LRMDA: variants seen among roughly 807,000 people sequenced by gnomAD.
LRMDA encodes leucine-rich melanocyte differentiation-associated protein.
A neutral mutation model predicts 29.8 loss-of-function variants in LRMDA; 18 were observed. The observed-to-expected ratio is 0.60, with a 90% CI of 0.42 to 0.90. The LOEUF is 0.90. LRMDA is among the 40% of genes least tolerant of loss of function. The pLI, the probability that LRMDA is intolerant of heterozygous loss-of-function variation, is 0.00. For missense variants in LRMDA, 273 were observed against 273.9 expected, an observed-to-expected ratio of 1.00 and a Z score of 0.02; for synonymous variants, 125 against 109.4, an observed-to-expected ratio of 1.14 and a Z score of -0.89.
intron 2 of LRMDA, among the ~76,000 whole-genome samples, chr10:75,606,447 T>G (rs574737715): frequency 6.6e-6 from 1 of 152,224 alleles, no homozygotes; most frequent in African/African-American, 2.4e-5. Context: ...AGAACCGAGG[T>G]TCTATTTTCT....
intron 6 of LRMDA, among the ~76,000 whole-genome samples, chr10:76,546,370 G>C (rs1306221066): frequency 1.3e-5 from 2 of 152,082 alleles, no homozygotes; most frequent in Non-Finnish European, 2.9e-5. Flanking sequence ...ACTCAGTTGT[G>C]GTCACTATGA....
At chr10:75,969,310 G>A (rs550032889) in intron 2 of LRMDA, among the ~76,000 whole-genome samples, 4 of 152,248 alleles carry the variant, frequency 2.6e-5, no homozygotes, top group Admixed American at 6.5e-5. Flanking sequence ...TTATGTTGTC[G>A]GTCCAGTAAT....
Position 76,139,596 on chromosome 10 carries a change from GT to G in LRMDA, c.516+80816del, listed in dbSNP as rs1850162214. Among the ~76,000 whole-genome samples, 3 of 152,226 alleles carry G rather than the reference GT, an allele frequency of 2.0e-5. No individual in the cohort carries two copies. The South Asian group carries it at 6.2e-4, about 32-fold the overall frequency. Reference sequence around the variant, plus strand: ...TTTTGATATATGTGAAGCTCTTGTGGTTTGTCTAGTTCTTATAAAAATACTG... The same window carrying G: ...TTTTGATATATGTGAAGCTCTTGTGGTTGTCTAGTTCTTATAAAAATACTG... On this transcript the variant is annotated intron_variant, in intron 5 of 6. Coordinates refer to ENST00000611255, the MANE Select transcript of LRMDA (RefSeq NM_001305581.2).
chr10:75,453,433 A>G (rs1251041229), intron 2 of LRMDA, among the ~76,000 whole-genome samples: 1 of 152,154 alleles, frequency 6.6e-6, no homozygotes, highest in Admixed American at 6.5e-5. Flanking sequence ...AATTGAAGCT[A>G]GCTTTAGTTT....
chr10:76,547,418 C>T (rs1015093694), intron 6 of LRMDA, among the ~76,000 whole-genome samples: 4 of 152,184 alleles, frequency 2.6e-5, no homozygotes, highest in Non-Finnish European at 5.9e-5. Context: ...ACATGACATA[C>T]TGATCATTAA....
At chr10:75,797,938 T>C (rs934250512) in intron 2 of LRMDA, among the ~76,000 whole-genome samples, 3 of 152,206 alleles carry the variant, frequency 2.0e-5, no homozygotes, top group African/African-American at 7.2e-5. Context: ...ATGCCATCAG[T>C]ATATGAAGAT....
chr10:75,432,112 CT>C (rs1564769729), intron 1 of LRMDA, among the ~76,000 whole-genome samples: 1 of 152,258 alleles, frequency 6.6e-6, no homozygotes, highest in Admixed American at 6.5e-5. Context: ...ATTTTAAAAA[CT>C]TTTGGTCAAA....
chr10:75,889,071 T>C (rs1246802600), intron 2 of LRMDA, among the ~76,000 whole-genome samples: 1 of 152,156 alleles, frequency 6.6e-6, no homozygotes, highest in Non-Finnish European at 1.5e-5. Context: ...GAGTGAGCTA[T>C]ATGTGTGTGT....
intron 6 of LRMDA, among the ~76,000 whole-genome samples, chr10:76,419,157 G>A (rs1564536156): frequency 6.6e-6 from 1 of 151,992 alleles, no homozygotes; most frequent in African/African-American, 2.4e-5. Context: ...GGTTTTCATA[G>A]ATATGAAATT....
chr10:76,024,093 T>C (rs1396042497), intron 2 of LRMDA, among the ~76,000 whole-genome samples: 1 of 152,170 alleles, frequency 6.6e-6, no homozygotes, highest in Non-Finnish European at 1.5e-5. Flanking sequence ...AATGGAGTGG[T>C]CTTATGCTGT....
chr10:75,757,765 G>A (rs1843050045), intron 2 of LRMDA, among the ~76,000 whole-genome samples: 1 of 151,000 alleles, frequency 6.6e-6, no homozygotes, highest in African/African-American at 2.4e-5. Flanking sequence ...GCATTGTAAA[G>A]TTTGTAGGGC....
intron 2 of LRMDA, among the ~76,000 whole-genome samples, chr10:75,523,244 G>A (rs1845381120): frequency 6.6e-6 from 1 of 152,152 alleles, no homozygotes; most frequent in Non-Finnish European, 1.5e-5. Context: ...GTGAGAATGG[G>A]TGCATGAGCA....
chr10:76,022,323 G>A lies in LRMDA; in HGVS notation c.132-13685G>A, dbSNP rs372449640. Among the ~76,000 whole-genome samples, 12 of 152,238 alleles carry A rather than the reference G, an allele frequency of 7.9e-5. No homozygotes were observed. The South Asian group carries it at 1.7e-3, about 21-fold the overall frequency. ...TGCTCTAACCCCACATTTTGCATAC[G>A]GAAGAAACAAAGGTCCACCAGTGAT... is the stretch of plus-strand genomic sequence containing the variant. On this transcript the variant is annotated intron_variant, in intron 2 of 6. Transcript: ENST00000611255.
chr10:76,024,341 G>A (rs1160494899), intron 2 of LRMDA, among the ~76,000 whole-genome samples: 2 of 152,170 alleles, frequency 1.3e-5, no homozygotes, highest in East Asian at 1.9e-4. Flanking sequence ...ACATTGTTAG[G>A]TGCTAGTACA....
chr10:75,771,747 C>G (rs971559097), intron 2 of LRMDA, among the ~76,000 whole-genome samples: 3 of 151,980 alleles, frequency 2.0e-5, no homozygotes, highest in Non-Finnish European at 4.4e-5. Flanking sequence ...TTTTGAGAAT[C>G]AGGTGTGGCA....
At chr10:76,478,050 A>G (rs1196401246) in intron 6 of LRMDA, among the ~76,000 whole-genome samples, 6 of 152,182 alleles carry the variant, frequency 3.9e-5, no homozygotes, top group African/African-American at 1.4e-4. Flanking sequence ...AAATTGAGAA[A>G]TGGGATCTAA....
chr10:75,881,956 G>T (rs1845302041), intron 2 of LRMDA, among the ~76,000 whole-genome samples: 1 of 152,244 alleles, frequency 6.6e-6, no homozygotes, highest in Non-Finnish European at 1.5e-5. Context: ...TGGTGTTGTG[G>T]TGGGACCTTG....
chr10:75,605,553 C>T (rs1840945550), intron 2 of LRMDA, among the ~76,000 whole-genome samples: 1 of 152,214 alleles, frequency 6.6e-6, no homozygotes, highest in South Asian at 2.1e-4. Context: ...ACACTTTGAT[C>T]TGATTGGAGA....
At chr10:76,129,771 C>G (rs547373492) in intron 5 of LRMDA, among the ~76,000 whole-genome samples, 56 of 152,248 alleles carry the variant, frequency 3.7e-4, no homozygotes, top group Non-Finnish European at 7.4e-4. Flanking sequence ...TACACACACA[C>G]CCCTTCCACT....
Sources: gnomAD v4.1 joint callset for allele counts (sites outside exome capture counted in the v4.1 genomes callset) on GRCh38, gnomAD v4.1.1 for gene constraint, MANE v1.5 for transcripts, NCBI Gene and HGNC (gene_info 2026-07-23, HGNC 2026-07-21) for gene names.